GUCA1C: variants seen among roughly 807,000 people sequenced by gnomAD.
GUCA1C encodes guanylyl cyclase-activating protein 3.
GUCA1C carries 15 observed loss-of-function variants against 16.2 expected under a neutral mutation model. That is an observed-to-expected ratio of 0.93 (90% CI 0.62 to 1.43). The LOEUF is 1.43. Among genes scored for constraint, GUCA1C ranks in the 40% most tolerant of loss-of-function variants. GUCA1C has a pLI of 0.00. For synonymous variants in GUCA1C, 78 were observed against 85.4 expected, an observed-to-expected ratio of 0.91 and a Z score of 0.48; for missense variants, 275 against 244.8, an observed-to-expected ratio of 1.12 and a Z score of -0.82.
chr3:108,913,648 A>C (rs9875407), intron 3 of GUCA1C, among the ~76,000 whole-genome samples: 30,809 of 152,188 alleles, frequency 0.2, 3,583 homozygotes, highest in East Asian at 0.4. Flanking sequence ...AATGTCAATA[A>C]TTTTTATACA....
At chr3:108,929,960 T>A (rs1288775992) in intron 1 of GUCA1C, among the ~76,000 whole-genome samples, 1 of 152,238 alleles carries the variant, frequency 6.6e-6, no homozygotes, top group Non-Finnish European at 1.5e-5. Context: ...TGGAGAAGAT[T>A]ATTTAAGGAC....
intron 1 of GUCA1C, among the ~76,000 whole-genome samples, chr3:108,946,108 T>C (rs1169038003): frequency 2.0e-5 from 3 of 152,200 alleles, no homozygotes; most frequent in African/African-American, 7.2e-5. Flanking sequence ...GTAGTTAATC[T>C]AAAAGAGTTT....
Position 108,920,435 on chromosome 3 carries a change from C to A in GUCA1C, c.354+1G>T, listed in dbSNP as rs753522225. 7.5e-6 allele frequency: 12 copies of A among 1,605,330 alleles called. No individual in the cohort carries two copies. Among genetic ancestry groups the A allele is most frequent in the African/African-American group, 1.3e-5 (1 of 74,706 alleles). On this transcript the variant is annotated splice_donor_variant, in intron 2 of 3. Coordinates refer to ENST00000261047, the MANE Select transcript of GUCA1C (RefSeq NM_005459.4). LOFTEE classifies it high-confidence loss of function. ...AAAGGATACTTTACTACTTCACTTA[C>A]CATGAACATGTCCAGTAGTTCATTT...
intron 1 of GUCA1C, among the ~76,000 whole-genome samples, chr3:108,921,973 C>T (rs1382825948): frequency 6.6e-6 from 1 of 152,084 alleles, no homozygotes; most frequent in Non-Finnish European, 1.5e-5. Context: ...CATTCTTATA[C>T]CTTTGCATCC....
chr3:108,939,226 T>C (rs942522031), intron 1 of GUCA1C, among the ~76,000 whole-genome samples: 2 of 151,628 alleles, frequency 1.3e-5, no homozygotes, highest in Admixed American at 6.6e-5. Context: ...CCTTGCTCCT[T>C]AATGAATAGA....
upstream of GUCA1C, among the ~76,000 whole-genome samples, chr3:108,954,457 G>A (rs1946929851): frequency 1.3e-5 from 2 of 152,088 alleles, no homozygotes; most frequent in East Asian, 3.9e-4. Context: ...CCCACCCTCT[G>A]TTCTTACCTT....
intron 1 of GUCA1C, among the ~76,000 whole-genome samples, chr3:108,929,098 C>A (rs532158984): frequency 5.3e-5 from 8 of 152,094 alleles, no homozygotes; most frequent in South Asian, 2.1e-4. Flanking sequence ...TTATTTAGTT[C>A]TTTGATTTCT....
chr3:108,934,950 A>C (rs564019289), intron 1 of GUCA1C, among the ~76,000 whole-genome samples: 249 of 151,280 alleles, frequency 1.6e-3, no homozygotes, highest in African/African-American at 5.8e-3. Flanking sequence ...AGTAGCTGGG[A>C]CTACAGGCGC....
At chr3:108,928,554 G>A (rs933764856) in intron 1 of GUCA1C, among the ~76,000 whole-genome samples, 15 of 152,126 alleles carry the variant, frequency 9.9e-5, no homozygotes, top group Non-Finnish European at 2.2e-4. Context: ...TTATCTTTTA[G>A]GAGTTTTATA....
chr3:108,950,803 G>C (rs779620817), intron 1 of GUCA1C, among the ~76,000 whole-genome samples: 1 of 152,072 alleles, frequency 6.6e-6, no homozygotes, highest in Non-Finnish European at 1.5e-5. Flanking sequence ...TTGACAGCAG[G>C]AGAAAAGACA....
chr3:108,946,315 A>G (rs1946843178), intron 1 of GUCA1C, among the ~76,000 whole-genome samples: 1 of 142,274 alleles, frequency 7.0e-6, no homozygotes, highest in African/African-American at 3.1e-5. Context: ...CGTTTTTTTT[A>G]GAGACAAGGT....
In GUCA1C at chr3:108,920,447, C is replaced by A; in HGVS notation, c.343G>T (p.Asp115Tyr). ...NGSIDKNELL[D>Y]MFMAVQALNG... is the part of the protein sequence containing the mutation. ...ACTACTTCACTTACCATGAACATGTCCAGTAGTTCATTTTTGTCAATAGAA... is the reference window on the plus strand; with the variant it reads ...ACTACTTCACTTACCATGAACATGTACAGTAGTTCATTTTTGTCAATAGAA... Residue 115 changes from aspartate to tyrosine, a missense_variant, in exon 2 of 4, where the codon GAC becomes TAC. Physicochemically the swap from Asp to Tyr is radical, Grantham distance 160. Coordinates refer to ENST00000261047, the MANE Select transcript of GUCA1C (RefSeq NM_005459.4). The A allele has an allele frequency of 6.2e-7, 1 of 1,607,724 alleles. No homozygotes were observed. Among genetic ancestry groups the A allele is most frequent in the Non-Finnish European group, 8.5e-7 (1 of 1,174,572 alleles).
At chr3:108,932,660 G>A (rs1382394307) in intron 1 of GUCA1C, among the ~76,000 whole-genome samples, 3 of 152,094 alleles carry the variant, frequency 2.0e-5, no homozygotes, top group East Asian at 1.9e-4. Context: ...GGTGGCTCAC[G>A]CCTGTAATCC....
chr3:108,915,247 G>A (rs1246794424), intron 3 of GUCA1C, among the ~76,000 whole-genome samples: 1 of 150,476 alleles, frequency 6.6e-6, no homozygotes, highest in East Asian at 1.9e-4. Context: ...GATGCATGGT[G>A]GGCAGGTTGA....
At position 108,932,906 on chromosome 3, in the gene GUCA1C, GAA is replaced by G. The variant is rs751468692; in HGVS notation, c.205-12323_205-12322del. On this transcript the variant is annotated intron_variant, in intron 1 of 3. Transcript: ENST00000261047. ...CATTGCACTCCAGCCTGGGCCACAA[GAA>G]AAAAAAAAAAAATCTCAAAAAAAAA... Among the ~76,000 whole-genome samples the G allele has an allele frequency of 1.8e-3, 152 of 85,572 alleles. No individual in the cohort carries two copies. In the Middle Eastern group the frequency reaches 0.021, roughly 12 times the overall value. The allele number at this position is 85,572 out of a possible 152,430, so 56.1% of individuals were successfully genotyped here.
intron 1 of GUCA1C, among the ~76,000 whole-genome samples, chr3:108,935,652 C>T (rs138716801): frequency 0.01 from 1,591 of 152,110 alleles, 27 homozygotes; most frequent in African/African-American, 0.036. Flanking sequence ...GCCAAGATTG[C>T]GCCACTGCAC....
chr3:108,910,640 A>AT (rs1001760892), intron 3 of GUCA1C, among the ~76,000 whole-genome samples: 9 of 150,616 alleles, frequency 6.0e-5, no homozygotes, highest in African/African-American at 4.9e-5. Flanking sequence ...ACACATTTCA[A>AT]TTTTTTTTTC....
At chr3:108,908,537 T>A (rs1158828533) in intron 3 of GUCA1C, among the ~76,000 whole-genome samples, 1 of 152,166 alleles carries the variant, frequency 6.6e-6, no homozygotes, top group Non-Finnish European at 1.5e-5. Context: ...TATGACCAAG[T>A]CTTAGGAGCA....
At chr3:108,917,409 G>A (rs1011682402) in intron 2 of GUCA1C, among the ~76,000 whole-genome samples, 2 of 152,150 alleles carry the variant, frequency 1.3e-5, no homozygotes, top group African/African-American at 4.8e-5. Context: ...TTTTTGGAGG[G>A]AGTCCTCAGC....
Sources: gnomAD v4.1 joint callset for allele counts (sites outside exome capture counted in the v4.1 genomes callset) on GRCh38, gnomAD v4.1.1 for gene constraint, MANE v1.5 for transcripts, NCBI Gene and HGNC (gene_info 2026-07-23, HGNC 2026-07-21) for gene names.